CTCFL: variants seen among roughly 807,000 people sequenced by gnomAD.
CTCFL encodes CCCTC-binding factor like.
CTCFL carries 36 observed loss-of-function variants against 67.4 expected under a neutral mutation model. That is an observed-to-expected ratio of 0.53 (90% CI 0.41 to 0.71). The LOEUF (loss-of-function observed/expected upper bound fraction) is 0.71. Among genes scored for constraint, CTCFL ranks in the 30% least tolerant of loss-of-function variants. The probability of loss-of-function intolerance (pLI) is 0.00; values close to 1 mark genes in which losing one functional copy is unlikely to be tolerated. For synonymous variants in CTCFL, 324 were observed against 302.3 expected (o/e 1.07, Z -0.75); for missense variants, 786 against 835.2 (o/e 0.94, Z 0.73).
chr20:57,518,526 A>C, intron 5 of CTCFL: 1 of 1,415,310 alleles, frequency 7.1e-7, no homozygotes, highest in Non-Finnish European at 9.2e-7. Flanking sequence ...TTTATTTGTA[A>C]TTTGTAAACC....
intron 10 of CTCFL, chr20:57,499,865 C>T: frequency 1.6e-6 from 1 of 632,380 alleles, no homozygotes; most frequent in Non-Finnish European, 2.0e-6. Flanking sequence ...TGGGGAGCGG[C>T]TGTCAATACA....
chr20:57,523,601 T>C (rs961320368), intron 2 of CTCFL, 62 bp downstream of exon 2: 1 of 1,554,016 alleles, frequency 6.4e-7, no homozygotes, highest in South Asian at 1.3e-5. Flanking sequence ...TAATATTGCA[T>C]AAAAGCCGAC....
intron 9 of CTCFL, among the ~76,000 whole-genome samples, chr20:57,508,272 C>CTA (rs1354792638): frequency 1.3e-5 from 2 of 152,158 alleles, no homozygotes; most frequent in Admixed American, 6.5e-5. Context: ...TGCATTCTCT[C>CTA]TGTCAAGTAG....
chr20:57,519,671 A>G (rs1600677014), intron 3 of CTCFL, among the ~76,000 whole-genome samples: 1 of 152,284 alleles, frequency 6.6e-6, no homozygotes, highest in African/African-American at 2.4e-5. Context: ...ATGCCTGAAC[A>G]TTTCAGAATG....
At chr20:57,507,752 C>T in intron 9 of CTCFL, 1 of 702,974 alleles carries the variant, frequency 1.4e-6, no homozygotes, top group Non-Finnish European at 2.6e-6. Context: ...TGAGCCAGGA[C>T]CACCCAGTTC....
chr20:57,511,653 G>A (rs1288125112), intron 8 of CTCFL, among the ~76,000 whole-genome samples: 23 of 150,100 alleles, frequency 1.5e-4, no homozygotes, highest in African/African-American at 4.9e-4. Flanking sequence ...GTGCAGTGGC[G>A]CGATCTCGGC....
intron 3 of CTCFL, among the ~76,000 whole-genome samples, chr20:57,522,812 G>T (rs114352185): frequency 6.6e-6 from 1 of 152,138 alleles, no homozygotes; most frequent in Non-Finnish European, 1.5e-5. Context: ...AGAGACCAGG[G>T]CTTGGTCTTC....
At chr20:57,507,138 C>T in intron 9 of CTCFL, 1 of 758,746 alleles carries the variant, frequency 1.3e-6, no homozygotes, top group Non-Finnish European at 1.6e-6. Flanking sequence ...AACTTCATTC[C>T]CCACTCGAGT....
chr20:57,507,641 G>C, intron 9 of CTCFL: 1 of 703,024 alleles, frequency 1.4e-6, no homozygotes, highest in East Asian at 2.7e-5. Context: ...GCCAGCAGTT[G>C]TGTGGCGGAG....
At chr20:57,513,824 A>G (rs770871526) in intron 7 of CTCFL, 212 of 1,288,532 alleles carry the variant, frequency 1.6e-4, no homozygotes, top group African/African-American at 1.1e-4. Flanking sequence ...ACAGTGTCAT[A>G]TATTTTGGAA....
At chr20:57,522,289 C>T (rs1245140000) in intron 3 of CTCFL, among the ~76,000 whole-genome samples, 2 of 152,144 alleles carry the variant, frequency 1.3e-5, no homozygotes, top group Non-Finnish European at 2.9e-5. Flanking sequence ...AAAACTGTGC[C>T]AAGTGTTGCC....
intron 2 of CTCFL, 31 bp from the exon 3 acceptor site, chr20:57,523,309 C>CTATTGATCA (rs779545863): frequency 2.6e-5 from 41 of 1,575,268 alleles, no homozygotes; most frequent in Non-Finnish European, 3.4e-5. Context: ...AAATATGATA[C>CTATTGATCA]TATTGATTTC....
At chr20:57,518,503 T>G in intron 5 of CTCFL, 1 of 1,403,316 alleles carries the variant, frequency 7.1e-7, no homozygotes, top group South Asian at 1.6e-5. Flanking sequence ...ACTTATTTCT[T>G]GACCACAGAT....
chr20:57,523,125 CTGTAGG>C lies in CTCFL; in HGVS notation c.691_696del (p.Pro231_Thr232del). 1.2e-6 allele frequency: 2 copies of C among 1,614,028 alleles called. No individual in the cohort carries two copies. The highest frequency in any genetic ancestry group is 1.7e-6 in the Non-Finnish European group (2 of 1,180,020). ...GCCTTTTCAGCATCTGCTTGACCAG[CTGTAGG>C]TTGATCCTCTTGTTCTTCCACATTT... On this transcript the variant is annotated inframe_deletion, in exon 3 of 11. Transcript: ENST00000243914.
At chr20:57,511,240 A>C (rs1232573688) in intron 8 of CTCFL, among the ~76,000 whole-genome samples, 1 of 150,442 alleles carries the variant, frequency 6.6e-6, no homozygotes, top group Non-Finnish European at 1.5e-5. Flanking sequence ...GGGTCTCATT[A>C]TGTTGCCCAG....
Position 57,520,609 on chromosome 20 carries a change from A to G in CTCFL, c.755-1232T>C, listed in dbSNP as rs569767827. ...ATTCCGGTTCCATTCTCTGCTCCCT[A>G]GCTCAGGGGTGGCCTTGAAAATAAC... On this transcript the variant is annotated intron_variant, in intron 3 of 10. Coordinates refer to ENST00000243914, the MANE Select transcript of CTCFL (RefSeq NM_001386993.1). Among the ~76,000 whole-genome samples the G allele has an allele frequency of 2.5e-4, 38 of 152,370 alleles. No homozygotes were observed. The South Asian group carries it at 7.5e-3, about 30-fold the overall frequency.
At chr20:57,524,433 C>G in intron 1 of CTCFL, 1 of 1,393,434 alleles carries the variant, frequency 7.2e-7, no homozygotes, top group Non-Finnish European at 9.3e-7. Context: ...GGATTTTGTA[C>G]AAAACCCTAG....
chr20:57,512,486 T>C (rs2068627308), intron 8 of CTCFL, 106 bp downstream of exon 8: 8 of 1,159,852 alleles, frequency 6.9e-6, no homozygotes, highest in Middle Eastern at 2.9e-4. Context: ...GGCTACTCTA[T>C]TAAAAGCATG....
At chr20:57,502,320 G>A (rs1183495291) in intron 10 of CTCFL, among the ~76,000 whole-genome samples, 1 of 152,366 alleles carries the variant, frequency 6.6e-6, no homozygotes, top group East Asian at 1.9e-4. Context: ...CAGGATGCCC[G>A]CTTCTACCCG....
Sources: allele counts gnomAD v4.1 joint callset (sites outside exome capture counted in the v4.1 genomes callset), GRCh38; gene constraint gnomAD v4.1.1; transcripts MANE v1.5; gene names NCBI Gene and HGNC (gene_info 2026-07-23, HGNC 2026-07-21).